FAM13C: variants seen among roughly 807,000 people sequenced by gnomAD.
FAM13C encodes family with sequence similarity 13 member C.
Under a neutral mutation model 73.2 loss-of-function variants are expected in FAM13C, and 37 were observed. The ratio of observed to expected loss-of-function variants is 0.51; its 90% CI spans 0.39 to 0.67. The LOEUF is 0.67. Ranked by LOEUF, FAM13C falls within the 30% of genes least tolerant of loss-of-function variation. The pLI is 0.00. For synonymous variants in FAM13C, 246 were observed against 260.9 expected (o/e 0.94, Z 0.55); for missense variants, 589 against 715.6 (o/e 0.82, Z 2.02).
chr10:59,281,285 C>A (rs1193796326), intron 6 of FAM13C, among the ~76,000 whole-genome samples: 3 of 152,154 alleles, frequency 2.0e-5, no homozygotes, highest in African/African-American at 7.2e-5. Context: ...GCATAAATTT[C>A]TTCCCTGAGT....
chr10:59,252,818 T>C lies in FAM13C; in HGVS notation c.1513A>G (p.Asn505Asp). Residue 505 changes from asparagine to aspartate, a missense_variant, in exon 12 of 14, where the codon AAT (asparagine) becomes GAT (aspartate). Physicochemically the swap from Asn to Asp is conservative, Grantham distance 23. Transcript: ENST00000618804. Reference sequence around the variant, plus strand: ...ACTCACATGGTAGCCTCATGTAAATTAGACATGGAGAGAGCTGGTGGTTTT... The same window carrying C: ...ACTCACATGGTAGCCTCATGTAAATCAGACATGGAGAGAGCTGGTGGTTTT... ...EVKPPALSMS[N>D]LHEATMPVLL... 1 of 1,613,922 alleles carries C rather than the reference T, an allele frequency of 6.2e-7. No individual in the cohort carries two copies. The highest frequency in any genetic ancestry group is 2.2e-5 in the East Asian group (1 of 44,862).
intron 5 of FAM13C, among the ~76,000 whole-genome samples, chr10:59,289,450 G>A (rs1845970258): frequency 6.6e-6 from 1 of 152,188 alleles, no homozygotes; most frequent in East Asian, 1.9e-4. Flanking sequence ...AGCTTGCAGT[G>A]AATGTGCAGA....
rs1404503385 is a variant in FAM13C at position 59,339,542 on chromosome 10, C to T, written c.324+12728G>A. On this transcript the variant is annotated intron_variant, in intron 3 of 13. Transcript: ENST00000618804. ...ATTCTCCCATCCTTTCCACATCCAA[C>T]AGTACATGGATGATAAATTAGGTGG... is the stretch of plus-strand genomic sequence containing the variant. 2.0e-5 allele frequency among the ~76,000 whole-genome samples: 3 copies of T among 152,168 alleles called. No individual in the cohort carries two copies. In the East Asian group the frequency reaches 5.8e-4, roughly 29 times the overall value.
intron 3 of FAM13C, among the ~76,000 whole-genome samples, chr10:59,329,314 T>C (rs1851610370): frequency 6.7e-6 from 1 of 148,286 alleles, no homozygotes; most frequent in African/African-American, 2.5e-5. Flanking sequence ...TCTGATTCCA[T>C]TTTTTTTTCT....
intron 5 of FAM13C, among the ~76,000 whole-genome samples, chr10:59,293,056 A>G (rs1338642035): frequency 9.1e-5 from 10 of 109,768 alleles, no homozygotes; most frequent in African/African-American, 3.6e-4. Flanking sequence ...TGAGATCAAC[A>G]TTTTTTCTTT....
chr10:59,348,039 T>G (rs933288321), intron 3 of FAM13C, among the ~76,000 whole-genome samples: 1 of 152,152 alleles, frequency 6.6e-6, no homozygotes, highest in Non-Finnish European at 1.5e-5. Flanking sequence ...GTTTTTAACC[T>G]GGTTAGGATC....
In FAM13C at chr10:59,355,893, C is replaced by A; in HGVS notation, c.113G>T (p.Ser38Ile). The part of the protein sequence containing the change: ...SLHEDQTDCS[S>I]LRDENNKENY... ...AAGCAATGGTGGCTTTTACCTGAGA[C>A]TGGAGCAATCAGTCTGGTCTTCATG... The change falls in exon 2 of 14, where the codon AGT becomes ATT. Residue 38 changes from serine (S) to isoleucine (I), a missense_variant. Transcript: ENST00000618804. 6.2e-7 allele frequency: 1 copy of A among 1,614,014 alleles called. No individual in the cohort carries two copies. Among genetic ancestry groups the A allele is most frequent in the East Asian group, 2.2e-5 (1 of 44,870 alleles).
rs1339207802 is a variant in FAM13C, at chr10:59,246,197, G to A, written c.*1417C>T. ...TATTTACAATCATATAGAATATATAGAGTTACATTTTAATAGCAACTGTGT... is the reference window on the plus strand; with the variant it reads ...TATTTACAATCATATAGAATATATAAAGTTACATTTTAATAGCAACTGTGT... On this transcript the variant is annotated 3_prime_UTR_variant, in exon 14 of 14. Transcript: ENST00000618804. 1 of 153,008 alleles carries A rather than the reference G, an allele frequency of 6.5e-6. No homozygotes were observed. The highest frequency in any genetic ancestry group is 2.4e-5 in the African/African-American group (1 of 41,460). The allele number at this position is 153,008 out of a possible 1,614,324, so 9.5% of individuals were successfully genotyped here.
chr10:59,248,551 T>C (rs1373601149), intron 13 of FAM13C, among the ~76,000 whole-genome samples: 3 of 152,212 alleles, frequency 2.0e-5, no homozygotes. Context: ...TCTTGTTTTC[T>C]TGGTTAATAA....
intron 3 of FAM13C, among the ~76,000 whole-genome samples, chr10:59,337,999 C>T (rs1394259842): frequency 8.6e-5 from 13 of 152,038 alleles, no homozygotes; most frequent in Non-Finnish European, 1.9e-4. Context: ...CATTTTCATT[C>T]TCACTGTTGT....
At chr10:59,261,687 T>C (rs1442134224) in intron 10 of FAM13C, among the ~76,000 whole-genome samples, 1 of 152,034 alleles carries the variant, frequency 6.6e-6, no homozygotes, top group African/African-American at 2.4e-5. Context: ...GTTGCATCTG[T>C]TATTCGAGCA....
Position 59,247,838 on chromosome 10 carries a change from C to T in FAM13C, c.1635-101G>A. ...TGAGAAAGTATACTGTAACGGCCTC[C>T]ACTTGGTTTTTGCATCATGTCTTCT... On this transcript the variant is annotated intron_variant, in intron 13 of 13. Coordinates refer to ENST00000618804, the MANE Select transcript of FAM13C (RefSeq NM_198215.4). The T allele has an allele frequency of 2.6e-6, 3 of 1,151,388 alleles. No homozygotes were observed. The Admixed American group carries it at 8.1e-5, about 31-fold the overall frequency. 71.3% of individuals were successfully genotyped at this position (1,151,388 alleles called of 1,614,324 possible).
intron 4 of FAM13C, among the ~76,000 whole-genome samples, chr10:59,321,364 G>A (rs1266640258): frequency 6.6e-6 from 1 of 150,856 alleles, no homozygotes; most frequent in Non-Finnish European, 1.5e-5. Flanking sequence ...TCTGGAAACT[G>A]GAAAAGGTAT....
intron 6 of FAM13C, among the ~76,000 whole-genome samples, chr10:59,278,818 G>A (rs1041970422): frequency 3.4e-5 from 5 of 148,738 alleles, no homozygotes; most frequent in South Asian, 2.1e-4. Flanking sequence ...TAGAAGTCTC[G>A]ATGTCACATA....
chr10:59,308,578 C>T (rs1246850951), intron 4 of FAM13C, among the ~76,000 whole-genome samples: 1 of 151,786 alleles, frequency 6.6e-6, no homozygotes, highest in Admixed American at 6.6e-5. Flanking sequence ...ACCATCACCA[C>T]CACCAGCACC....
intron 1 of FAM13C, chr10:59,360,963 C>A: frequency 8.0e-7 from 1 of 1,245,936 alleles, no homozygotes. Context: ...ACACCAGGCT[C>A]CTGAGAATCG....
chr10:59,262,451 G>C lies in FAM13C; in HGVS notation c.1219C>G (p.Pro407Ala). 6.2e-7 allele frequency: 1 copy of C among 1,613,572 alleles called. No homozygotes were observed. ...TGATGTACCTTAGAATCCTCCTGGGGAGGAAGTTGCTCTCTTCTCTCCTTC... is the reference window on the plus strand; with the variant it reads ...TGATGTACCTTAGAATCCTCCTGGGCAGGAAGTTGCTCTCTTCTCTCCTTC... ...CLKERREQLP[P>A]QEDSKVTKQD... is the part of the protein sequence containing the mutation. Residue 407 changes from proline (P) to alanine (A), a missense_variant, in exon 10 of 14, where the codon CCC (proline) becomes GCC (alanine). Coordinates refer to ENST00000618804, the MANE Select transcript of FAM13C (RefSeq NM_198215.4).
At chr10:59,269,856 A>G in intron 7 of FAM13C, 43 bp downstream of exon 7, 1 of 1,599,158 alleles carries the variant, frequency 6.3e-7, no homozygotes. Flanking sequence ...TGGTATTTGA[A>G]AAACTGTATG....
chr10:59,361,452 C>T (rs1856398788), intron 1 of FAM13C, among the ~76,000 whole-genome samples: 1 of 152,146 alleles, frequency 6.6e-6, no homozygotes, highest in African/African-American at 2.4e-5. Context: ...AAGCCTTCTA[C>T]ATCAAACTCA....
Sources: allele counts gnomAD v4.1 joint callset (sites outside exome capture counted in the v4.1 genomes callset), GRCh38; gene constraint gnomAD v4.1.1; transcripts MANE v1.5; gene names NCBI Gene and HGNC (gene_info 2026-07-23, HGNC 2026-07-21).